The following HTR1F variants were observed in gnomAD, a reference collection of about 807,000 sequenced individuals.
HTR1F encodes 5-hydroxytryptamine (serotonin) receptor 1F, G protein-coupled.
HTR1F carries 17 observed loss-of-function variants against 24.0 expected under a neutral mutation model. The ratio of observed to expected loss-of-function variants is 0.71; its 90% CI spans 0.48 to 1.06. HTR1F has a LOEUF of 1.06. Among genes scored for constraint, HTR1F ranks in the 50% least tolerant of loss-of-function variants. HTR1F has a pLI of 0.00. For missense variants in HTR1F, 391 were observed against 427.8 expected (o/e 0.91, Z 0.76); for synonymous variants, 186 against 156.8 (o/e 1.19, Z -1.39).
chr3:87,955,135 C>G (rs1238956533), intron 2 of HTR1F, among the ~76,000 whole-genome samples: 1 of 151,306 alleles, frequency 6.6e-6, no homozygotes, highest in Non-Finnish European at 1.5e-5. Flanking sequence ...TGTGTATATC[C>G]TGAAGCCACC....
chr3:87,891,314 A>G (rs542478182), intron 2 of HTR1F, among the ~76,000 whole-genome samples: 201 of 152,278 alleles, frequency 1.3e-3, no homozygotes, highest in Non-Finnish European at 6.2e-4. Flanking sequence ...AAAAAATGCC[A>G]TTCTCCATTT....
At chr3:87,868,616 T>TA in intron 2 of HTR1F, among the ~76,000 whole-genome samples, 1 of 151,894 alleles carries the variant, frequency 6.6e-6, no homozygotes, top group African/African-American at 2.4e-5. Flanking sequence ...TTAAAATATA[T>TA]ATTTTAGATA....
intron 2 of HTR1F, among the ~76,000 whole-genome samples, chr3:87,848,354 A>AT (rs1293060321): frequency 6.6e-6 from 1 of 151,388 alleles, no homozygotes; most frequent in African/African-American, 2.4e-5. Context: ...CCTTTTGCCC[A>AT]TTTTTTAGTG....
intron 1 of HTR1F, among the ~76,000 whole-genome samples, chr3:87,795,276 G>A (rs1336879939): frequency 2.0e-5 from 3 of 152,248 alleles, no homozygotes; most frequent in Middle Eastern, 3.4e-3. Flanking sequence ...GAGCCACAGC[G>A]CCCGGCCAAC....
intron 2 of HTR1F, among the ~76,000 whole-genome samples, chr3:87,955,287 A>T (rs907962133): frequency 1.9e-4 from 29 of 151,412 alleles, no homozygotes; most frequent in Non-Finnish European, 7.4e-5. Flanking sequence ...TTATGTAAGT[A>T]GTATAATACA....
chr3:87,873,288 G>A (rs1705600748), intron 2 of HTR1F, among the ~76,000 whole-genome samples: 1 of 152,116 alleles, frequency 6.6e-6, no homozygotes, highest in African/African-American at 2.4e-5. Context: ...AGCTGATGGT[G>A]TAAGTCCTAG....
intron 2 of HTR1F, among the ~76,000 whole-genome samples, chr3:87,983,193 C>A (rs1576120666): frequency 6.6e-6 from 1 of 152,042 alleles, no homozygotes. Context: ...GTATTCAAAG[C>A]CAAAAAGTTA....
At chr3:87,837,248 TCA>T (rs1021816409) in intron 2 of HTR1F, among the ~76,000 whole-genome samples, 1 of 152,090 alleles carries the variant, frequency 6.6e-6, no homozygotes, top group Non-Finnish European at 1.5e-5. Context: ...AATCAGAATC[TCA>T]CAGTGTCATA....
chr3:87,850,196 G>A lies in HTR1F; in HGVS notation c.-43+28072G>A, dbSNP rs192123693. ...AGGCACTATTCACAATAGCAAAGAC[G>A]TGGAACCAGCCCAAATGTCCAACAA... On this transcript the variant is annotated intron_variant, in intron 2 of 2. Coordinates refer to ENST00000319595, the MANE Select transcript of HTR1F (RefSeq NM_001322209.2). Among the ~76,000 whole-genome samples, 611 of 151,946 alleles carry A rather than the reference G, an allele frequency of 4.0e-3. 2 individuals carry two copies. The highest frequency in any genetic ancestry group is 5.4e-3 in the Non-Finnish European group (366 of 67,972).
chr3:87,990,720 C>T lies in HTR1F; in HGVS notation c.-30C>T. ...TCCCTTGTTACAGGTATCCATTTTT[C>T]AGCTATATTAATCTTTTAAAACAAA... On this transcript the variant is annotated 5_prime_UTR_variant, in exon 3 of 3. The change creates a premature stop within an existing upstream ORF in the 5' untranslated region. Transcript: ENST00000319595. The T allele has an allele frequency of 6.5e-7, 1 of 1,542,828 alleles. No homozygotes were observed. Among genetic ancestry groups the T allele is most frequent in the Non-Finnish European group, 8.9e-7 (1 of 1,126,694 alleles).
At chr3:87,879,016 G>A (rs1366336610) in intron 2 of HTR1F, among the ~76,000 whole-genome samples, 1 of 152,120 alleles carries the variant, frequency 6.6e-6, no homozygotes, top group African/African-American at 2.4e-5. Flanking sequence ...AGTAGAAAAT[G>A]AATTTTGATT....
At chr3:87,898,623 T>C (rs1576003040) in intron 2 of HTR1F, among the ~76,000 whole-genome samples, 1 of 152,174 alleles carries the variant, frequency 6.6e-6, no homozygotes, top group East Asian at 1.9e-4. Context: ...CATTTAGAAA[T>C]ATAAATTCAG....
At chr3:87,869,821 A>G (rs1174905462) in intron 2 of HTR1F, among the ~76,000 whole-genome samples, 2 of 152,010 alleles carry the variant, frequency 1.3e-5, no homozygotes, top group East Asian at 3.9e-4. Flanking sequence ...ACCCAAAACA[A>G]CCTCTCAGAA....
chr3:87,807,208 C>T (rs927427510), intron 1 of HTR1F, among the ~76,000 whole-genome samples: 2 of 151,862 alleles, frequency 1.3e-5, no homozygotes, highest in Non-Finnish European at 2.9e-5. Context: ...ATCTGTAGAT[C>T]ACAAGGGGCA....
At chr3:87,984,951 T>G (rs1463427620) in intron 2 of HTR1F, among the ~76,000 whole-genome samples, 1 of 152,232 alleles carries the variant, frequency 6.6e-6, no homozygotes, top group Non-Finnish European at 1.5e-5. Context: ...GTAGACCTGG[T>G]TGCTACCTTA....
chr3:87,946,846 TG>T (rs1704721954), intron 2 of HTR1F, among the ~76,000 whole-genome samples: 1 of 151,984 alleles, frequency 6.6e-6, no homozygotes, highest in South Asian at 2.1e-4. Flanking sequence ...AGGATGGTCT[TG>T]ATCTCCTGAC....
chr3:87,872,700 T>C (rs1458899016), intron 2 of HTR1F, among the ~76,000 whole-genome samples: 1 of 151,972 alleles, frequency 6.6e-6, no homozygotes, highest in East Asian at 1.9e-4. Context: ...CTAGAAGAAA[T>C]GGATAAAGTC....
chr3:87,824,734 C>A (rs1282577446), intron 2 of HTR1F, among the ~76,000 whole-genome samples: 1 of 152,160 alleles, frequency 6.6e-6, no homozygotes, highest in Non-Finnish European at 1.5e-5. Context: ...TTCATAAGCA[C>A]ATTATTTCTT....
At position 87,848,237 on chromosome 3, in the gene HTR1F, G is replaced by A. The variant is rs1300878327; in HGVS notation, c.-43+26113G>A. Among the ~76,000 whole-genome samples the A allele has an allele frequency of 3.3e-5, 5 of 151,882 alleles. No individual in the cohort carries two copies. In the East Asian group the frequency reaches 9.7e-4, roughly 29 times the overall value. Reference sequence around the variant, plus strand: ...CTGGGGTGAGATGATAGCTCATTGCGGTTTTGATTTGCATTTCCCTGGAGA... The same window carrying A: ...CTGGGGTGAGATGATAGCTCATTGCAGTTTTGATTTGCATTTCCCTGGAGA... On this transcript the variant is annotated intron_variant, in intron 2 of 2. Transcript: ENST00000319595.
Sources: allele counts gnomAD v4.1 joint callset (sites outside exome capture counted in the v4.1 genomes callset), GRCh38; gene constraint gnomAD v4.1.1; transcripts MANE v1.5; gene names NCBI Gene and HGNC (gene_info 2026-07-23, HGNC 2026-07-21).